SGO2: variants seen among roughly 807,000 people sequenced by gnomAD.
SGO2 encodes shugoshin-like 2.
In SGO2, 68 loss-of-function variants were observed where a neutral mutation model predicts 99.5. That is an observed-to-expected ratio of 0.68 (90% confidence interval 0.56 to 0.84). The LOEUF (loss-of-function observed/expected upper bound fraction) is 0.84, where lower values mean the gene tolerates loss of function less well. Ranked by LOEUF, SGO2 falls within the 40% of genes least tolerant of loss-of-function variation. The pLI is 0.00. For missense variants in SGO2, 1,350 were observed against 1,436.7 expected (o/e 0.94, Z 0.97); for synonymous variants, 457 against 487.1 (o/e 0.94, Z 0.81).
intron 5 of SGO2, among the ~76,000 whole-genome samples, chr2:200,554,970 AT>A (rs2032645077): frequency 6.6e-6 from 1 of 152,128 alleles, no homozygotes; most frequent in African/African-American, 2.4e-5. Context: ...CCAATGTTCA[AT>A]TTATGGAAAG....
chr2:200,544,677 T>C (rs2032123129), intron 5 of SGO2, among the ~76,000 whole-genome samples: 1 of 147,038 alleles, frequency 6.8e-6, no homozygotes, highest in Admixed American at 7.0e-5. Context: ...TAGTGTGGAG[T>C]AGAATTACTT....
intron 5 of SGO2, among the ~76,000 whole-genome samples, chr2:200,552,693 T>C (rs946459533): frequency 3.3e-5 from 5 of 152,166 alleles, no homozygotes; most frequent in African/African-American, 1.2e-4. Flanking sequence ...TAGCATATAA[T>C]GAGCAGTGAG....
chr2:200,571,982 G>T lies in SGO2; in HGVS notation c.1636G>T (p.Asp546Tyr). 1 of 1,609,646 alleles carries T rather than the reference G, an allele frequency of 6.2e-7. No homozygotes were observed. Among genetic ancestry groups the T allele is most frequent in the Non-Finnish European group, 8.5e-7 (1 of 1,178,676 alleles). ...QTFVIHKLEK[D>Y]NLLPNQKDKV... is the part of the protein sequence containing the mutation. The stretch of plus-strand genomic sequence containing the variant: ...ATTTGTGATTCACAAATTAGAAAAA[G>T]ATAACTTACTCCCAAACCAAAAGGA... The change falls in exon 7 of 9, where the codon GAT (aspartate) becomes TAT (tyrosine). Residue 546 changes from aspartate to tyrosine, a missense_variant. Physicochemically the swap from Asp to Tyr is radical, Grantham distance 160. Coordinates refer to ENST00000357799, the MANE Select transcript of SGO2 (RefSeq NM_152524.6).
intron 5 of SGO2, among the ~76,000 whole-genome samples, chr2:200,564,282 T>C (rs1574867796): frequency 6.6e-6 from 1 of 152,272 alleles, no homozygotes; most frequent in South Asian, 2.1e-4. Flanking sequence ...ATTGGTTTCA[T>C]AGAACATCTT....
intron 2 of SGO2, among the ~76,000 whole-genome samples, chr2:200,534,336 G>A (rs757195986): frequency 1.4e-4 from 21 of 152,112 alleles, no homozygotes; most frequent in South Asian, 1.0e-3. Context: ...AATTTCAGGC[G>A]TGATTTAAAT....
intron 5 of SGO2, among the ~76,000 whole-genome samples, chr2:200,568,853 G>C (rs2033290194): frequency 6.6e-6 from 1 of 152,010 alleles, no homozygotes; most frequent in African/African-American, 2.4e-5. Flanking sequence ...CATTATGTTA[G>C]GTAGGGTTGG....
chr2:200,564,542 T>C (rs1297409745), intron 5 of SGO2, among the ~76,000 whole-genome samples: 3 of 152,184 alleles, frequency 2.0e-5, no homozygotes, highest in Non-Finnish European at 2.9e-5. Context: ...ATTCTGTTGA[T>C]TTGGAGTGGA....
chr2:200,542,232 G>A (rs904749256), intron 4 of SGO2, among the ~76,000 whole-genome samples: 1 of 152,066 alleles, frequency 6.6e-6, no homozygotes, highest in Non-Finnish European at 1.5e-5. Context: ...TTTAAAAGAT[G>A]TATTATAAAA....
intron 1 of SGO2, among the ~76,000 whole-genome samples, chr2:200,527,004 G>A (rs2031130619): frequency 6.6e-6 from 1 of 152,152 alleles, no homozygotes; most frequent in African/African-American, 2.4e-5. Context: ...ACGAAGAGGT[G>A]TTGAGATCAC....
At chr2:200,565,435 T>A (rs2033148682) in intron 5 of SGO2, among the ~76,000 whole-genome samples, 1 of 152,230 alleles carries the variant, frequency 6.6e-6, no homozygotes, top group African/African-American at 2.4e-5. Flanking sequence ...AGTTCTGCTG[T>A]TAGTCTAATG....
intron 8 of SGO2, among the ~76,000 whole-genome samples, chr2:200,578,797 T>C (rs141228214): frequency 1.8e-3 from 273 of 152,356 alleles, no homozygotes; most frequent in South Asian, 4.6e-3. Flanking sequence ...TGTTTTAATG[T>C]CTGGTAGGGC....
intron 4 of SGO2, among the ~76,000 whole-genome samples, chr2:200,539,969 TC>T (rs956226791): frequency 6.6e-6 from 1 of 152,112 alleles, no homozygotes; most frequent in Non-Finnish European, 1.5e-5. Context: ...GGGATTTCTT[TC>T]CCCCCTTTTT....
chr2:200,562,490 T>G (rs1559211073), intron 5 of SGO2, among the ~76,000 whole-genome samples: 1 of 152,248 alleles, frequency 6.6e-6, no homozygotes, highest in Non-Finnish European at 1.5e-5. Context: ...TCAGGTAGCG[T>G]GATGCCTCCA....
intron 8 of SGO2, among the ~76,000 whole-genome samples, chr2:200,575,865 T>G (rs937453044): frequency 6.6e-6 from 1 of 152,164 alleles, no homozygotes; most frequent in African/African-American, 2.4e-5. Flanking sequence ...AACAGTCCTT[T>G]CTCTTTATTT....
Position 200,526,334 on chromosome 2 carries a change from C to CGCT in SGO2, c.-3+84_-3+86dup, listed in dbSNP as rs1486295965. 1 of 152,278 alleles carries CGCT rather than the reference C, an allele frequency of 6.6e-6. No homozygotes were observed. Among genetic ancestry groups the CGCT allele is most frequent in the Non-Finnish European group, 1.5e-5 (1 of 68,076 alleles). 9.4% of individuals were successfully genotyped at this position (152,278 alleles called of 1,614,324 possible). A position where few individuals can be genotyped will look rare whatever the true frequency, so the allele number is the denominator to read the frequency against. ...GTCGTTCTTGAGTCGGTTCTCTAGG[C>CGCT]GCTGTCCGCCTCGGTCTCCGGCTCG... On this transcript the variant is annotated intron_variant, in intron 1 of 8. Transcript: ENST00000357799. This position sits in a 1 kb window ranked among gnomAD's most constrained non-coding sequence, Gnocchi z 4.8.
chr2:200,535,974 T>A (rs2031671059), intron 3 of SGO2, 91 bp from the exon 4 acceptor site: 1 of 762,636 alleles, frequency 1.3e-6, no homozygotes, highest in Non-Finnish European at 2.0e-6. Context: ...TTTTTAAGTT[T>A]TCTCACATGG....
At chr2:200,539,940 T>C (rs1431964831) in intron 4 of SGO2, among the ~76,000 whole-genome samples, 1 of 152,172 alleles carries the variant, frequency 6.6e-6, no homozygotes, top group East Asian at 1.9e-4. Context: ...TAATTTCTAT[T>C]GTTCTATCTC....
At chr2:200,529,360 C>A (rs700632) in intron 1 of SGO2, among the ~76,000 whole-genome samples, 152,292 of 152,386 alleles carry the variant, frequency 1, 76,099 homozygotes, top group Non-Finnish European at 1. Flanking sequence ...CTATTCCATG[C>A]GCTGGGGAAT....
chr2:200,547,151 G>C (rs984926303), intron 5 of SGO2, among the ~76,000 whole-genome samples: 4 of 151,962 alleles, frequency 2.6e-5, no homozygotes, highest in African/African-American at 9.7e-5. Context: ...TAACACAAAG[G>C]AGCTCCAATT....
Sources: allele counts gnomAD v4.1 joint callset (sites outside exome capture counted in the v4.1 genomes callset), GRCh38; gene constraint gnomAD v4.1.1; non-coding constraint Gnocchi (gnomAD v3.1); transcripts MANE v1.5; gene names NCBI Gene and HGNC (gene_info 2026-07-23, HGNC 2026-07-21).